The following CFAP46 variants were observed in gnomAD, a reference collection of about 807,000 sequenced individuals.
The protein encoded by CFAP46 is cilia- and flagella-associated protein 46.
A neutral mutation model predicts 325.7 loss-of-function variants in CFAP46; 245 were observed. The ratio of observed to expected loss-of-function variants is 0.75; its 90% CI spans 0.68 to 0.84. The LOEUF is 0.84. Ranked by LOEUF, CFAP46 falls within the 40% of genes least tolerant of loss-of-function variation. The pLI is 0.00. For missense variants in CFAP46, 3,346 were observed against 3,543.0 expected (o/e 0.94, Z 1.41); for synonymous variants, 1,523 against 1,495.9 (o/e 1.02, Z -0.42).
intron 9 of CFAP46, 33 bp from the exon 10 acceptor site, chr10:132,926,699 G>C: frequency 1.4e-6 from 2 of 1,425,032 alleles, no homozygotes; most frequent in Non-Finnish European, 1.9e-6. Flanking sequence ...AAAAGATGGA[G>C]ATCTGTAAGG....
At chr10:132,842,493 T>C (rs1217800027) in intron 44 of CFAP46, among the ~76,000 whole-genome samples, 1 of 152,188 alleles carries the variant, frequency 6.6e-6, no homozygotes, top group Non-Finnish European at 1.5e-5. Flanking sequence ...CAATGATCCA[T>C]TTACAGACAT....
chr10:132,930,511 T>C (rs867026888), intron 8 of CFAP46, among the ~76,000 whole-genome samples: 22 of 82,388 alleles, frequency 2.7e-4, no homozygotes, highest in Admixed American at 4.0e-4. Flanking sequence ...TGGGCCTTCC[T>C]CCTCCCCACA....
At position 132,942,564 on chromosome 10, in the gene CFAP46, C is replaced by A. The variant is rs1014350367; in HGVS notation, c.-80G>T. 7 of 1,171,058 alleles carry A rather than the reference C, an allele frequency of 6.0e-6. No homozygotes were observed. The African/African-American group carries it at 9.6e-5, about 16-fold the overall frequency. 72.5% of individuals were successfully genotyped at this position (1,171,058 alleles called of 1,614,324 possible). A position where few individuals can be genotyped will look rare whatever the true frequency, so the allele number is the denominator to read the frequency against. On this transcript the variant is annotated 5_prime_UTR_variant, in exon 1 of 58. Transcript: ENST00000368586. Reference sequence around the variant, plus strand: ...CCCACTGTCGGTTGGGTTCTCCAGCCGCGAGGACCCGGCCACGGTTGCCTG... The same window carrying A: ...CCCACTGTCGGTTGGGTTCTCCAGCAGCGAGGACCCGGCCACGGTTGCCTG...
At chr10:132,844,024 G>A (rs374430119) in intron 44 of CFAP46, among the ~76,000 whole-genome samples, 230 of 90,382 alleles carry the variant, frequency 2.5e-3, no homozygotes, top group Middle Eastern at 9.6e-3. Flanking sequence ...CTCTGGTCTC[G>A]GTGGGTGTTC....
chr10:132,912,603 TC>T (rs1253067935), intron 19 of CFAP46, 51 bp downstream of exon 19: 161 of 1,359,224 alleles, frequency 1.2e-4, no homozygotes, highest in African/African-American at 4.7e-4. Context: ...CTCTCCTCTC[TC>T]CTCTCTCTCT....
intron 16 of CFAP46, among the ~76,000 whole-genome samples, chr10:132,917,024 G>A (rs886428308): frequency 1.8e-4 from 28 of 152,350 alleles, no homozygotes; most frequent in African/African-American, 5.8e-4. Context: ...TAATCATTAC[G>A]TTTTAAATGT....
chr10:132,896,827 C>T (rs200192657), intron 24 of CFAP46, among the ~76,000 whole-genome samples: 1 of 152,148 alleles, frequency 6.6e-6, no homozygotes, highest in Admixed American at 6.5e-5. Flanking sequence ...TGAAAAAGAA[C>T]AAAGTTGGAG....
At chr10:132,809,014 C>T (rs1847525325) in intron 57 of CFAP46, 110 bp from the exon 58 acceptor site, 1 of 1,097,962 alleles carries the variant, frequency 9.1e-7, no homozygotes, top group Non-Finnish European at 1.3e-6. Context: ...ACTGAGGGCG[C>T]TCTGGGGAAC....
chr10:132,909,113 C>G (rs1235003346), intron 21 of CFAP46, 24 bp downstream of exon 21: 1 of 1,530,438 alleles, frequency 6.5e-7, no homozygotes, highest in East Asian at 2.5e-5. Flanking sequence ...CCCCTGGCCT[C>G]CCGGGACCCC....
chr10:132,857,309 C>T (rs1848655510), intron 39 of CFAP46, among the ~76,000 whole-genome samples: 4 of 152,236 alleles, frequency 2.6e-5, no homozygotes, highest in Admixed American at 1.3e-4. Flanking sequence ...TCGGCTCCAT[C>T]CTGTGACTCA....
In CFAP46 at chr10:132,808,958, C is replaced by T; in HGVS notation, c.7665-54G>A. 2.7e-6 allele frequency: 4 copies of T among 1,498,100 alleles called. No individual in the cohort carries two copies. The highest frequency in any genetic ancestry group is 3.6e-6 in the Non-Finnish European group (4 of 1,114,388). The allele number at this position is 1,498,100 out of a possible 1,614,324, so 92.8% of individuals were successfully genotyped here. ...CCCCGAGGCCCCGCAGGACGTCCAG[C>T]CCGGTGAGGACCAGGGCACAGGGGC... On this transcript the variant is annotated intron_variant, in intron 57 of 57. Transcript: ENST00000368586. The surrounding 1 kb of genome is among the most constrained non-coding windows in gnomAD (Gnocchi z 6.8).
At chr10:132,887,897 T>C (rs1290846052) in intron 25 of CFAP46, among the ~76,000 whole-genome samples, 1 of 78,790 alleles carries the variant, frequency 1.3e-5, no homozygotes, top group Non-Finnish European at 2.4e-5. Flanking sequence ...CTCTCTCCTC[T>C]TCTCTCCTCT....
At chr10:132,887,556 T>C (rs1449093253) in intron 25 of CFAP46, among the ~76,000 whole-genome samples, 12 of 54,950 alleles carry the variant, frequency 2.2e-4, no homozygotes, top group African/African-American at 2.9e-4. Flanking sequence ...CTCCTCTCCC[T>C]TCTTCTCTCT....
chr10:132,899,165 A>G (rs1191076786), intron 23 of CFAP46, 44 bp from the exon 24 acceptor site: 1 of 1,518,448 alleles, frequency 6.6e-7, no homozygotes, highest in Non-Finnish European at 8.8e-7. Context: ...ACCTGGGCCC[A>G]CCTGGAGCTG....
intron 49 of CFAP46, 88 bp downstream of exon 49, chr10:132,833,953 C>T (rs1564771302): frequency 2.1e-5 from 27 of 1,259,640 alleles, no homozygotes; most frequent in Middle Eastern, 2.6e-4. Flanking sequence ...CCCCCCCTGG[C>T]GTTCCCGGAT....
rs1294429507 is a variant in CFAP46, at chr10:132,817,986, C to T, written c.7118-3072G>A. On this transcript the variant is annotated intron_variant, in intron 50 of 57. Transcript: ENST00000368586. The surrounding 1 kb of genome is among the most constrained non-coding windows in gnomAD (Gnocchi z 4.4). Reference sequence around the variant, plus strand: ...CCCCCAGGCTCCTTCTCCTGCTTCTCTTGTGTGAGGGCTTTCTCATCACCT... The same window carrying T: ...CCCCCAGGCTCCTTCTCCTGCTTCTTTTGTGTGAGGGCTTTCTCATCACCT... 1.3e-5 allele frequency among the ~76,000 whole-genome samples: 2 copies of T among 152,242 alleles called. No homozygotes were observed. Among genetic ancestry groups the T allele is most frequent in the Non-Finnish European group, 2.9e-5 (2 of 68,050 alleles).
At chr10:132,831,664 C>T (rs1188858397) in intron 50 of CFAP46, among the ~76,000 whole-genome samples, 7 of 59,698 alleles carry the variant, frequency 1.2e-4, no homozygotes, top group Non-Finnish European at 3.5e-4. Context: ...ATATTTTGAA[C>T]GCTGAATTTT....
rs916059932 is a variant in CFAP46 at position 132,832,347 on chromosome 10, ACTGT to A, written c.7117+1007_7117+1010del. 9.4e-5 allele frequency among the ~76,000 whole-genome samples: 14 copies of A among 149,396 alleles called. No homozygotes were observed. The highest frequency in any genetic ancestry group is 2.0e-4 in the Admixed American group (3 of 15,018). ...TAGTTGTCAGTTTCCCAGACTCCAA[ACTGT>A]CTGTCCTCAACTTGCGGAGACCCCT... On this transcript the variant is annotated intron_variant, in intron 50 of 57. Coordinates refer to ENST00000368586, the MANE Select transcript of CFAP46 (RefSeq NM_001200049.3). The surrounding 1 kb of genome is among the most constrained non-coding windows in gnomAD (Gnocchi z 4.1).
At chr10:132,816,187 TG>T (rs1224738368) in intron 50 of CFAP46, among the ~76,000 whole-genome samples, 7 of 152,106 alleles carry the variant, frequency 4.6e-5, no homozygotes, top group African/African-American at 1.7e-4. Context: ...CTGTCGCTGC[TG>T]GTGCGTCGTT....
Sources: gnomAD v4.1 joint callset for allele counts (sites outside exome capture counted in the v4.1 genomes callset) on GRCh38, gnomAD v4.1.1 for gene constraint, Gnocchi (gnomAD v3.1) non-coding constraint, MANE v1.5 for transcripts, NCBI Gene and HGNC (gene_info 2026-07-23, HGNC 2026-07-21) for gene names.